Variants in PLAC8 observed in about 807,000 individuals in gnomAD.
PLAC8 encodes the protein placenta-specific gene 8 protein.
In PLAC8, 6 loss-of-function variants were observed where a neutral mutation model predicts 12.6. The observed-to-expected ratio is 0.48, with a 90% CI of 0.26 to 0.94. PLAC8 has a LOEUF of 0.94. Ranked by LOEUF, PLAC8 falls within the 40% of genes least tolerant of loss-of-function variation. The pLI, the probability that PLAC8 is intolerant of heterozygous loss-of-function variation, is 0.14. For synonymous variants in PLAC8, 54 were observed against 52.6 expected, an observed-to-expected ratio of 1.03 and a Z score of -0.11; for missense variants, 122 against 152.7, an observed-to-expected ratio of 0.80 and a Z score of 1.06.
chr4:83,094,997 A>C (rs985132804), intron 3 of PLAC8, among the ~76,000 whole-genome samples: 1 of 152,184 alleles, frequency 6.6e-6, no homozygotes, highest in Non-Finnish European at 1.5e-5. Context: ...TACGTTTCTG[A>C]AAATGTAAGG....
At chr4:83,091,888 T>C (rs901834136) in intron 4 of PLAC8, among the ~76,000 whole-genome samples, 3 of 152,204 alleles carry the variant, frequency 2.0e-5, no homozygotes, top group Admixed American at 1.3e-4. Context: ...CACAAACTCA[T>C]AGATATTTTA....
intron 3 of PLAC8, among the ~76,000 whole-genome samples, chr4:83,103,173 G>T (rs1345121792): frequency 6.6e-6 from 1 of 151,822 alleles, no homozygotes; most frequent in Non-Finnish European, 1.5e-5. Context: ...GAGGCGGGCG[G>T]ATCACAAGGT....
At chr4:83,091,398 A>G (rs1731804573) in intron 4 of PLAC8, among the ~76,000 whole-genome samples, 1 of 152,084 alleles carries the variant, frequency 6.6e-6, no homozygotes, top group Non-Finnish European at 1.5e-5. Context: ...AATGTGCCTC[A>G]GTTTAGGTTT....
intron 2 of PLAC8, among the ~76,000 whole-genome samples, 182 bp downstream of exon 2, chr4:83,107,622 T>A (rs1247636818): frequency 1.1e-5 from 1 of 89,886 alleles, no homozygotes; most frequent in East Asian, 2.6e-4. Flanking sequence ...TACGGAGGCT[T>A]TTTTTTTTTT....
intron 3 of PLAC8, among the ~76,000 whole-genome samples, chr4:83,098,013 C>T (rs1298375822): frequency 2.0e-5 from 3 of 152,170 alleles, no homozygotes; most frequent in East Asian, 3.9e-4. Flanking sequence ...TGCGCGCCAT[C>T]ATGCTCAGCT....
chr4:83,096,704 C>A (rs984400511), intron 3 of PLAC8, among the ~76,000 whole-genome samples: 2 of 152,048 alleles, frequency 1.3e-5, no homozygotes, highest in Non-Finnish European at 2.9e-5. Flanking sequence ...TTCAGGAGTT[C>A]GTTTGTTTTT....
At chr4:83,111,480 A>AT (rs1732422104) in intron 1 of PLAC8, among the ~76,000 whole-genome samples, 1 of 151,860 alleles carries the variant, frequency 6.6e-6, no homozygotes, top group African/African-American at 2.4e-5. Context: ...ATCTCCAAAA[A>AT]AAAAATAAAA....
Position 83,094,676 on chromosome 4 carries a change from A to C in PLAC8, c.*9+2T>G, listed in dbSNP as rs777592779. ...CTGAGAGGCATGTTTGCATTGACTC[A>C]CCATCAGTTTTTAGAAAGTACGCAT... On this transcript the variant is annotated splice_donor_variant, in intron 4 of 4. Coordinates refer to ENST00000311507, the MANE Select transcript of PLAC8 (RefSeq NM_016619.3). LOFTEE classifies it low-confidence loss of function (3UTR_SPLICE). 1.0e-5 allele frequency: 15 copies of C among 1,499,534 alleles called. No homozygotes were observed. The highest frequency in any genetic ancestry group is 1.3e-5 in the Non-Finnish European group (14 of 1,084,570). The allele number at this position is 1,499,534 out of a possible 1,614,324, so 92.9% of individuals were successfully genotyped here.
chr4:83,104,327 G>GTATA (rs540113598), intron 3 of PLAC8, among the ~76,000 whole-genome samples: 3,046 of 151,320 alleles, frequency 0.02, 112 homozygotes, highest in African/African-American at 0.07. Context: ...AGGTTTGCCT[G>GTATA]TATATATATA....
At chr4:83,095,683 A>G (rs1731909491) in intron 3 of PLAC8, among the ~76,000 whole-genome samples, 1 of 152,226 alleles carries the variant, frequency 6.6e-6, no homozygotes, top group Non-Finnish European at 1.5e-5. Context: ...TCTAACTAAA[A>G]GTCAAGAAGT....
intron 3 of PLAC8, among the ~76,000 whole-genome samples, chr4:83,096,076 C>T (rs1731918594): frequency 6.6e-6 from 1 of 152,210 alleles, no homozygotes; most frequent in Admixed American, 6.5e-5. Context: ...AATGTTAGTC[C>T]TCCAAAGGCA....
At chr4:83,113,151 C>T (rs1479721528) in intron 1 of PLAC8, among the ~76,000 whole-genome samples, 2 of 152,198 alleles carry the variant, frequency 1.3e-5, no homozygotes, top group Non-Finnish European at 2.9e-5. Flanking sequence ...AACGTGCACC[C>T]GCAGGGCTGC....
At chr4:83,097,512 T>C (rs1010670720) in intron 3 of PLAC8, among the ~76,000 whole-genome samples, 2 of 152,334 alleles carry the variant, frequency 1.3e-5, no homozygotes, top group South Asian at 4.1e-4. Flanking sequence ...CTTTGACTTT[T>C]GAAAATTGTT....
intron 1 of PLAC8, among the ~76,000 whole-genome samples, chr4:83,112,127 T>C (rs980235498): frequency 6.7e-6 from 1 of 149,226 alleles, no homozygotes; most frequent in Non-Finnish European, 1.5e-5. Flanking sequence ...TGAGCCAAGA[T>C]CGTGCCATTG....
intron 3 of PLAC8, among the ~76,000 whole-genome samples, chr4:83,095,936 C>A (rs930141106): frequency 6.6e-6 from 1 of 152,060 alleles, no homozygotes; most frequent in Non-Finnish European, 1.5e-5. Flanking sequence ...ACTAGATGAA[C>A]CCTCATCTCC....
chr4:83,104,697 C>A (rs1301648772), intron 3 of PLAC8, among the ~76,000 whole-genome samples, 199 bp downstream of exon 3: 1 of 152,200 alleles, frequency 6.6e-6, no homozygotes, highest in African/African-American at 2.4e-5. Context: ...TATCAATTTT[C>A]TCAGGTTTTC....
At chr4:83,092,753 A>T (rs1255887457) in intron 4 of PLAC8, 2 of 146,972 alleles carry the variant, frequency 1.4e-5, no homozygotes, top group African/African-American at 2.5e-5. Flanking sequence ...TTGCCTCTCT[A>T]GTTTCATTAA....
At chr4:83,104,525 C>T (rs1451714413) in intron 3 of PLAC8, among the ~76,000 whole-genome samples, 1 of 152,170 alleles carries the variant, frequency 6.6e-6, no homozygotes. Context: ...AATTACTCCA[C>T]CTCTTAAAAC....
chr4:83,094,697 C>G lies in PLAC8; in HGVS notation c.338G>C (p.Arg113Pro). 1 of 1,596,620 alleles carries G rather than the reference C, an allele frequency of 6.3e-7. No homozygotes were observed. Residue 113 changes from arginine to proline, a missense_variant, in exon 4 of 5, where the codon CGT becomes CCT. By Grantham distance (103) the Arg-to-Pro change is moderately radical. Transcript: ENST00000311507. ...ACTCACCATCAGTTTTTAGAAAGTA[C>G]GCATGGCTCTCCTTCTGTTGATATC... ...KRDINRRRAM[R>P]TF
Sources: allele counts gnomAD v4.1 joint callset (sites outside exome capture counted in the v4.1 genomes callset), GRCh38; gene constraint gnomAD v4.1.1; transcripts MANE v1.5; gene names NCBI Gene and HGNC (gene_info 2026-07-23, HGNC 2026-07-21).